The following CACNA2D3 variants were observed in gnomAD, a reference collection of about 807,000 sequenced individuals.
CACNA2D3 encodes the protein calcium voltage-gated channel auxiliary subunit alpha2delta 3, also known as voltage-dependent calcium channel subunit alpha-2/delta-3.
A neutral mutation model predicts 160.6 loss-of-function variants in CACNA2D3; 60 were observed. The ratio of observed to expected loss-of-function variants is 0.37; its 90% CI spans 0.30 to 0.46. CACNA2D3 has a LOEUF of 0.46. Ranked by LOEUF, CACNA2D3 falls within the 20% of genes least tolerant of loss-of-function variation. The probability of loss-of-function intolerance (pLI) is 1.00; values close to 1 mark genes in which losing one functional copy is unlikely to be tolerated. For synonymous variants in CACNA2D3, 558 were observed against 492.9 expected, an observed-to-expected ratio of 1.13 and a Z score of -1.75; for missense variants, 1,205 against 1,365.0, an observed-to-expected ratio of 0.88 and a Z score of 1.85.
At chr3:54,807,532 A>C (rs1046944808) in intron 13 of CACNA2D3, among the ~76,000 whole-genome samples, 6 of 152,080 alleles carry the variant, frequency 3.9e-5, no homozygotes, top group Admixed American at 2.6e-4. Flanking sequence ...TTAGAATGGC[A>C]ATCATTTAAA....
chr3:54,212,213 A>G (rs952780291), intron 2 of CACNA2D3, among the ~76,000 whole-genome samples: 1 of 152,194 alleles, frequency 6.6e-6, no homozygotes, highest in Non-Finnish European at 1.5e-5. Context: ...CATATGCCCA[A>G]GGTGGTCGGG....
At chr3:54,445,274 G>A (rs530498044) in intron 4 of CACNA2D3, among the ~76,000 whole-genome samples, 35 of 152,284 alleles carry the variant, frequency 2.3e-4, no homozygotes, top group Non-Finnish European at 1.8e-4. Context: ...ATTTGGAAAC[G>A]AACCATCTCA....
intron 14 of CACNA2D3, among the ~76,000 whole-genome samples, chr3:54,829,446 G>T (rs1703820504): frequency 6.6e-6 from 1 of 152,150 alleles, no homozygotes; most frequent in South Asian, 2.1e-4. Context: ...GCTGGTGGAG[G>T]AGGGAAGGGT....
intron 2 of CACNA2D3, among the ~76,000 whole-genome samples, chr3:54,160,942 A>T (rs1211563715): frequency 6.6e-6 from 1 of 152,166 alleles, no homozygotes; most frequent in Non-Finnish European, 1.5e-5. Flanking sequence ...CGAAAGAAAA[A>T]CATGAGCAAA....
At chr3:55,035,667 C>T (rs1703800935) in intron 35 of CACNA2D3, among the ~76,000 whole-genome samples, 1 of 152,168 alleles carries the variant, frequency 6.6e-6, no homozygotes, top group Non-Finnish European at 1.5e-5. Context: ...AGGACATGGG[C>T]TTCAAATGCA....
At chr3:54,224,723 T>C (rs1210205210) in intron 2 of CACNA2D3, among the ~76,000 whole-genome samples, 1 of 152,202 alleles carries the variant, frequency 6.6e-6, no homozygotes, top group Non-Finnish European at 1.5e-5. Context: ...AAATTCCTAT[T>C]AGATATTAAA....
intron 11 of CACNA2D3, among the ~76,000 whole-genome samples, chr3:54,680,596 G>T (rs1241492848): frequency 6.6e-6 from 1 of 152,180 alleles, no homozygotes; most frequent in Non-Finnish European, 1.5e-5. Context: ...AGGAAAAATG[G>T]CATTTGTGAA....
chr3:54,130,694 A>C (rs138617158), intron 2 of CACNA2D3, among the ~76,000 whole-genome samples: 6 of 152,222 alleles, frequency 3.9e-5, no homozygotes, highest in Non-Finnish European at 8.8e-5. Context: ...CCACAGTGCT[A>C]TATTTTCTTG....
chr3:54,220,202 A>G lies in CACNA2D3; in HGVS notation c.204+96608A>G, dbSNP rs556359609. Among the ~76,000 whole-genome samples the G allele has an allele frequency of 3.9e-5, 6 of 152,204 alleles. No individual in the cohort carries two copies. The South Asian group carries it at 1.3e-3, about 32-fold the overall frequency. On this transcript the variant is annotated intron_variant, in intron 2 of 37. Coordinates refer to ENST00000474759, the MANE Select transcript of CACNA2D3 (RefSeq NM_018398.3). ...AGAATGTGTCTTCCAACTTCATTTC[A>G]GTCGGTCTGCTCTGATAGCACCAGT...
At chr3:54,562,558 G>A (rs989913460) in intron 5 of CACNA2D3, among the ~76,000 whole-genome samples, 2 of 152,284 alleles carry the variant, frequency 1.3e-5, no homozygotes, top group East Asian at 1.9e-4. Flanking sequence ...AAAAGGAAGT[G>A]TCTTTCAAGT....
chr3:54,751,752 T>C (rs1701860858), intron 11 of CACNA2D3, among the ~76,000 whole-genome samples: 1 of 152,210 alleles, frequency 6.6e-6, no homozygotes, highest in African/African-American at 2.4e-5. Context: ...TAATGCCATG[T>C]CTTCACTGAC....
At chr3:54,991,710 G>A (rs1022632433) in intron 31 of CACNA2D3, among the ~76,000 whole-genome samples, 1 of 148,992 alleles carries the variant, frequency 6.7e-6, no homozygotes, top group African/African-American at 2.6e-5. Context: ...GAAATAAGAA[G>A]ACTTCAGGTT....
chr3:54,626,327 C>T (rs1011107862), intron 9 of CACNA2D3: 70 of 1,552,992 alleles, frequency 4.5e-5, no homozygotes, highest in Admixed American at 1.8e-4. Flanking sequence ...CTGTACAGTG[C>T]GCGCCAGCAG....
intron 2 of CACNA2D3, among the ~76,000 whole-genome samples, chr3:54,285,601 G>C (rs895282307): frequency 7.9e-5 from 12 of 152,216 alleles, no homozygotes; most frequent in Admixed American, 7.9e-4. Context: ...CCAGCACACA[G>C]CTGGAGATCT....
chr3:54,648,903 G>A (rs1406889498), intron 11 of CACNA2D3, among the ~76,000 whole-genome samples: 3 of 152,156 alleles, frequency 2.0e-5, no homozygotes, highest in African/African-American at 7.2e-5. Context: ...TGATAACTCA[G>A]TCATTACCAT....
intron 31 of CACNA2D3, among the ~76,000 whole-genome samples, chr3:54,996,254 A>G (rs1295274387): frequency 6.6e-6 from 1 of 152,224 alleles, no homozygotes; most frequent in African/African-American, 2.4e-5. Context: ...TGGGTTTTGC[A>G]TTAACTCATT....
chr3:54,141,097 G>GCGCGCGCA (rs1559860132), intron 2 of CACNA2D3, among the ~76,000 whole-genome samples: 2 of 133,666 alleles, frequency 1.5e-5, no homozygotes, highest in African/African-American at 5.4e-5. Flanking sequence ...GCGCGCGCGC[G>GCGCGCGCA]CGTGTGTGCA....
intron 11 of CACNA2D3, among the ~76,000 whole-genome samples, chr3:54,662,041 G>A (rs1432574355): frequency 6.6e-6 from 1 of 152,050 alleles, no homozygotes; most frequent in African/African-American, 2.4e-5. Flanking sequence ...GGGTTTCTCT[G>A]TATTAACTCT....
At chr3:54,152,048 A>C (rs543101074) in intron 2 of CACNA2D3, among the ~76,000 whole-genome samples, 1 of 152,216 alleles carries the variant, frequency 6.6e-6, no homozygotes, top group African/African-American at 2.4e-5. Flanking sequence ...TTATGCTACT[A>C]TGATCCCGGT....
Sources: gnomAD v4.1 joint callset for allele counts (sites outside exome capture counted in the v4.1 genomes callset) on GRCh38, gnomAD v4.1.1 for gene constraint, MANE v1.5 for transcripts, NCBI Gene and HGNC (gene_info 2026-07-23, HGNC 2026-07-21) for gene names.